Variants in CROCC observed in about 807,000 individuals in gnomAD.
The protein encoded by CROCC is rootletin.
Under a neutral mutation model 245.2 loss-of-function variants are expected in CROCC, and 180 were observed. That is an observed-to-expected ratio of 0.73 (90% CI 0.65 to 0.83). The LOEUF is 0.83. Ranked by LOEUF, CROCC falls within the 40% of genes least tolerant of loss-of-function variation. CROCC has a pLI of 0.00. For synonymous variants in CROCC, 1,205 were observed against 1,241.6 expected (o/e 0.97, Z 0.62); for missense variants, 2,688 against 2,779.4 (o/e 0.97, Z 0.74).
At chr1:16,935,654 G>A (rs80043975) in intron 8 of CROCC, among the ~76,000 whole-genome samples, 3 of 152,242 alleles carry the variant, frequency 2.0e-5, no homozygotes, top group South Asian at 2.1e-4. Context: ...TCGATCTCCC[G>A]ACCTCGTGAT....
chr1:16,948,994 G>C (rs1383461824), intron 19 of CROCC, 68 bp downstream of exon 19: 2 of 1,571,836 alleles, frequency 1.3e-6, no homozygotes, highest in Non-Finnish European at 1.7e-6. Context: ...CCAAGGTCTG[G>C]GGTCTCACAG....
rs751980652 is a variant in CROCC at position 16,944,238 on chromosome 1, C to T, written c.1947C>T (p.Asp649=). 6.5e-5 allele frequency: 101 copies of T among 1,554,012 alleles called. No homozygotes were observed. The Middle Eastern group carries it at 1.0e-3, about 16-fold the overall frequency. ...QRDRLEEEQE[D]AVQDGARVRR... ...ACCGGCTGGAGGAAGAGCAGGAGGA[C>T]GCAGTGCAGGATGGCGCGCGGGTGC... Residue 649 remains aspartate, a synonymous_variant, in exon 14 of 37, where the codon GAC becomes GAT. Coordinates refer to ENST00000375541, the MANE Select transcript of CROCC (RefSeq NM_014675.5).
chr1:16,924,342 G>A lies in CROCC; in HGVS notation c.214G>A (p.Glu72Lys). The A allele has an allele frequency of 6.2e-7, 1 of 1,612,904 alleles. No individual in the cohort carries two copies. Among genetic ancestry groups the A allele is most frequent in the Non-Finnish European group, 8.5e-7 (1 of 1,179,722 alleles). ...PESPVLLPAT[E>K]MASLLSLQEE... is the part of the protein sequence containing the mutation. ...CTTGCCAGTCCTGCTGCCGGCCACA[G>A]AGATGGCATCGCTGCTGTCGCTGCA... Residue 72 changes from glutamate (E) to lysine (K), a missense_variant, in exon 3 of 37, where the codon GAG becomes AAG. Physicochemically the swap from Glu to Lys is moderately conservative, Grantham distance 56 (BLOSUM62 1). Transcript: ENST00000375541.
Position 16,936,877 on chromosome 1 carries a change from G to T in CROCC, c.1193+4G>T. On this transcript the variant is annotated splice_donor_region_variant and intron_variant, in intron 9 of 36. Transcript: ENST00000375541. ...ACAAGGCTGACCTCAGTGCCAGGTGGGTACCTGGTGGATGCCGCACGAGGC... is the reference window on the plus strand; with the variant it reads ...ACAAGGCTGACCTCAGTGCCAGGTGTGTACCTGGTGGATGCCGCACGAGGC... 1 of 1,605,800 alleles carries T rather than the reference G, an allele frequency of 6.2e-7. No individual in the cohort carries two copies. Among genetic ancestry groups the T allele is most frequent in the Non-Finnish European group, 8.5e-7 (1 of 1,174,924 alleles).
Position 16,968,236 on chromosome 1 carries a change from A to C in CROCC, c.4894A>C (p.Lys1632Gln). Residue 1632 changes from lysine to glutamine, a missense_variant, in exon 31 of 37, where the codon AAG becomes CAG. Physicochemically the swap from Lys to Gln is moderately conservative, Grantham distance 53. Around this residue, in one of 9 missense-constraint regions of CROCC, gnomAD observed 1,218 missense variants for 1,286.3 expected, o/e 0.95. Coordinates refer to ENST00000375541, the MANE Select transcript of CROCC (RefSeq NM_014675.5). Reference sequence around the variant, plus strand: ...CAGCAAGATGAAGGCCAATGAGACAAAGCTGGAGGGCGACAAGCGGCGCCT... The same window carrying C: ...CAGCAAGATGAAGGCCAATGAGACACAGCTGGAGGGCGACAAGCGGCGCCT... ...KISKMKANET[K>Q]LEGDKRRLKE... is the part of the protein sequence containing the mutation. The C allele has an allele frequency of 6.4e-7, 1 of 1,567,916 alleles. No homozygotes were observed. Among genetic ancestry groups the C allele is most frequent in the Non-Finnish European group, 8.6e-7 (1 of 1,157,864 alleles).
At chr1:16,944,312 C>A in intron 14 of CROCC, 30 bp downstream of exon 14, 1 of 1,505,340 alleles carries the variant, frequency 6.6e-7, no homozygotes, top group Non-Finnish European at 8.9e-7. Context: ...CCTGCCAGGA[C>A]CCTTCAGATG....
chr1:16,931,240 G>T (rs370319839), intron 7 of CROCC, 51 bp from the exon 8 acceptor site: 51 of 1,504,908 alleles, frequency 3.4e-5, no homozygotes, highest in Non-Finnish European at 4.4e-5. Flanking sequence ...CAGTGGGAGG[G>T]AGTAAACCCG....
Position 16,946,986 on chromosome 1 carries a change from G to A in CROCC, c.2509G>A (p.Ala837Thr). ...GCGCAGCCAGCTGCAGGAGCAGCTA[G>A]CGCAGGTGGGCAAAGCTGTGTGTGG... ...HERSQLQEQL[A>T]QLSRQLSGRE... Residue 837 changes from alanine to threonine, a missense_variant, in exon 17 of 37, where the codon GCG becomes ACG. By Grantham distance (58) the Ala-to-Thr change is moderately conservative. Transcript: ENST00000375541. The A allele has an allele frequency of 1.3e-6, 2 of 1,550,676 alleles. No homozygotes were observed. Among genetic ancestry groups the A allele is most frequent in the Non-Finnish European group, 1.7e-6 (2 of 1,147,916 alleles).
upstream of CROCC, chr1:16,921,888 G>C (rs74227514): frequency 2.1e-6 from 2 of 960,740 alleles, no homozygotes; most frequent in African/African-American, 1.6e-5. Context: ...GTGGTCACAT[G>C]GGGGCGCCGC....
intron 2 of CROCC, among the ~76,000 whole-genome samples, chr1:16,924,030 G>T (rs2100324861): frequency 6.6e-6 from 1 of 152,386 alleles, no homozygotes; most frequent in South Asian, 2.1e-4. Context: ...AGACTAATTG[G>T]AAAAGGAGGG....
At position 16,930,564 on chromosome 1, in the gene CROCC, C is replaced by T. The variant is rs144639188; in HGVS notation, c.819C>T (p.His273=). ...CACGCTGCCGCAAGGAGCTGGAGCA[C>T]CGGGAGGCGGCGTGGAGGCGCGAGG... is the stretch of plus-strand genomic sequence containing the variant. The part of the protein sequence containing the change: ...DWTRCRKELE[H]REAAWRREEE... The change falls in exon 7 of 37, where the codon CAC becomes CAT. Residue 273 remains histidine, a synonymous_variant. Coordinates refer to ENST00000375541, the MANE Select transcript of CROCC (RefSeq NM_014675.5). 1.2e-6 allele frequency: 2 copies of T among 1,611,868 alleles called. No homozygotes were observed. Among genetic ancestry groups the T allele is most frequent in the Non-Finnish European group, 1.7e-6 (2 of 1,179,618 alleles).
chr1:16,944,892 C>T (rs2100451785), intron 14 of CROCC, among the ~76,000 whole-genome samples: 1 of 152,374 alleles, frequency 6.6e-6, no homozygotes, highest in South Asian at 2.1e-4. Flanking sequence ...TCTGAAGGTC[C>T]TTGGGGAGAT....
At chr1:16,937,085 T>G (rs2075807933) in intron 9 of CROCC, among the ~76,000 whole-genome samples, 1 of 152,272 alleles carries the variant, frequency 6.6e-6, no homozygotes, top group South Asian at 2.1e-4. Flanking sequence ...CCGGGTGTGG[T>G]GGCTCACACC....
chr1:16,919,738 A>G (rs1311788321), upstream of CROCC, among the ~76,000 whole-genome samples: 1 of 152,274 alleles, frequency 6.6e-6, no homozygotes. Flanking sequence ...AGGTACTATC[A>G]GTCGCATTTT....
intron 17 of CROCC, among the ~76,000 whole-genome samples, chr1:16,947,467 T>TCAATAA (rs1172886968): frequency 1.6e-5 from 2 of 124,020 alleles, no homozygotes; most frequent in Non-Finnish European, 3.4e-5. Context: ...AGACTCCGTC[T>TCAATAA]CAATAATAAT....
In CROCC at chr1:16,944,239, G is replaced by A. The variant is rs892084571; in HGVS notation, c.1948G>A (p.Ala650Thr). 3.8e-5 allele frequency: 59 copies of A among 1,553,978 alleles called. No individual in the cohort carries two copies. In the East Asian group the frequency reaches 1.0e-3, roughly 27 times the overall value. ...CCGGCTGGAGGAAGAGCAGGAGGAC[G>A]CAGTGCAGGATGGCGCGCGGGTGCG... is the stretch of plus-strand genomic sequence containing the variant. ...RDRLEEEQED[A>T]VQDGARVRRE... Residue 650 changes from alanine (A) to threonine (T), a missense_variant, in exon 14 of 37, where the codon GCA (alanine) becomes ACA (threonine). Coordinates refer to ENST00000375541, the MANE Select transcript of CROCC (RefSeq NM_014675.5).
rs1480363744 is a variant in CROCC at position 16,944,227 on chromosome 1, G to A, written c.1936G>A (p.Glu646Lys). 1.3e-6 allele frequency: 2 copies of A among 1,554,740 alleles called. No homozygotes were observed. The highest frequency in any genetic ancestry group is 2.4e-5 in the South Asian group (2 of 84,226). ...GCGCCAGCGGGACCGGCTGGAGGAA[G>A]AGCAGGAGGACGCAGTGCAGGATGG... ...LRRQRDRLEEEQEDAVQDGAR... is the reference protein window; with the variant it reads ...LRRQRDRLEEKQEDAVQDGAR... Residue 646 changes from glutamate to lysine, a missense_variant, in exon 14 of 37, where the codon GAG becomes AAG. Glu to Lys is a moderately conservative substitution (Grantham distance 56). Coordinates refer to ENST00000375541, the MANE Select transcript of CROCC (RefSeq NM_014675.5).
At chr1:16,945,930 G>A (rs1423688509) in intron 15 of CROCC, among the ~76,000 whole-genome samples, 1 of 152,296 alleles carries the variant, frequency 6.6e-6, no homozygotes, top group Non-Finnish European at 1.5e-5. Flanking sequence ...ACAGCGCAGA[G>A]GGTCCTTGGC....
At chr1:16,953,150 C>T (rs1212238763) in intron 20 of CROCC, 152 bp from the exon 21 acceptor site, 11 of 717,672 alleles carry the variant, frequency 1.5e-5, no homozygotes, top group Non-Finnish European at 2.5e-5. Flanking sequence ...GGCGTGTCCC[C>T]GTCATAGCCC....
Sources: gnomAD v4.1 joint callset for allele counts (sites outside exome capture counted in the v4.1 genomes callset) on GRCh38, gnomAD v4.1.1 for gene constraint, gnomAD v4.1.1 regional missense constraint, MANE v1.5 for transcripts, NCBI Gene and HGNC (gene_info 2026-07-23, HGNC 2026-07-21) for gene names.